The following UBE2R2 variants were observed in gnomAD, a reference collection of about 807,000 sequenced individuals.
UBE2R2 encodes the protein ubiquitin-conjugating enzyme E2 R2.
UBE2R2 carries 1 observed loss-of-function variant against 27.8 expected under a neutral mutation model. The ratio of observed to expected loss-of-function variants is 0.04; its 90% CI spans 0.01 to 0.17. UBE2R2 has a LOEUF of 0.17. Ranked by LOEUF, UBE2R2 falls within the 10% of genes least tolerant of loss-of-function variation. UBE2R2 has a pLI of 1.00. For synonymous variants in UBE2R2, 106 were observed against 113.3 expected, an observed-to-expected ratio of 0.94 and a Z score of 0.41; for missense variants, 100 against 291.0, an observed-to-expected ratio of 0.34 and a Z score of 4.78.
Position 33,878,326 on chromosome 9 carries a change from G to A in UBE2R2, c.178-8555G>A, listed in dbSNP as rs571231155. Reference sequence around the variant, plus strand: ...ATTTACTGAGGCAGTTGTAAGTAAAGGAAGGCAGGCCAGGTGCAGTGGCTC... The same window carrying A: ...ATTTACTGAGGCAGTTGTAAGTAAAAGAAGGCAGGCCAGGTGCAGTGGCTC... On this transcript the variant is annotated intron_variant, in intron 1 of 4. Coordinates refer to ENST00000263228, the MANE Select transcript of UBE2R2 (RefSeq NM_017811.4). Among the ~76,000 whole-genome samples the A allele has an allele frequency of 3.3e-5, 5 of 152,224 alleles. No homozygotes were observed. The East Asian group carries it at 5.8e-4, about 18-fold the overall frequency.
chr9:33,889,892 C>A (rs1029876080), intron 2 of UBE2R2, among the ~76,000 whole-genome samples: 7 of 143,906 alleles, frequency 4.9e-5, no homozygotes, highest in African/African-American at 1.9e-4. Context: ...CCATATTGGT[C>A]AGGCTGGTCT....
chr9:33,847,077 G>A (rs996454556), intron 1 of UBE2R2, among the ~76,000 whole-genome samples: 1 of 144,552 alleles, frequency 6.9e-6, no homozygotes, highest in African/African-American at 2.6e-5. Context: ...GTACTATGAA[G>A]TTTTCATTTT....
At chr9:33,902,595 G>A (rs1426734681) in intron 3 of UBE2R2, among the ~76,000 whole-genome samples, 2 of 152,138 alleles carry the variant, frequency 1.3e-5, no homozygotes, top group Non-Finnish European at 2.9e-5. Context: ...ATAATTGCTA[G>A]ATGCCTGTAT....
chr9:33,826,960 G>A (rs1469608770), intron 1 of UBE2R2, among the ~76,000 whole-genome samples: 2 of 152,118 alleles, frequency 1.3e-5, no homozygotes, highest in Non-Finnish European at 2.9e-5. Flanking sequence ...TCGTGAACCT[G>A]TAGTCCCAGC....
At chr9:33,878,537 G>T (rs1265343452) in intron 1 of UBE2R2, among the ~76,000 whole-genome samples, 1 of 152,150 alleles carries the variant, frequency 6.6e-6, no homozygotes, top group African/African-American at 2.4e-5. Flanking sequence ...AGGATCGCTT[G>T]AATCTCGGAG....
At chr9:33,901,045 T>A (rs1472254420) in intron 3 of UBE2R2, among the ~76,000 whole-genome samples, 3 of 152,160 alleles carry the variant, frequency 2.0e-5, no homozygotes, top group Non-Finnish European at 4.4e-5. Flanking sequence ...AGCCTCGACC[T>A]CCTGGGCTCA....
intron 1 of UBE2R2, among the ~76,000 whole-genome samples, chr9:33,831,234 G>A (rs1461436786): frequency 2.6e-5 from 4 of 151,974 alleles, no homozygotes; most frequent in Non-Finnish European, 4.4e-5. Flanking sequence ...TTGAGCCCAG[G>A]AGTTCAAGAC....
In UBE2R2 at chr9:33,911,603, C is replaced by T. The variant is rs183339678; in HGVS notation, c.363-361C>T. 3.3e-5 allele frequency among the ~76,000 whole-genome samples: 5 copies of T among 152,014 alleles called. No homozygotes were observed. The East Asian group carries it at 9.6e-4, about 29-fold the overall frequency. ...CTTTCTGTAGGTTGGAACATGTGAC[C>T]AGTTGAAACAGGGCCTTCTATCAAG... On this transcript the variant is annotated intron_variant, in intron 3 of 4. Coordinates refer to ENST00000263228, the MANE Select transcript of UBE2R2 (RefSeq NM_017811.4).
At chr9:33,914,512 G>T (rs1316610446) in intron 4 of UBE2R2, among the ~76,000 whole-genome samples, 9 of 152,066 alleles carry the variant, frequency 5.9e-5, no homozygotes, top group Admixed American at 5.9e-4. Flanking sequence ...TTTTTGGGAG[G>T]GAAGAGGTGA....
In UBE2R2 at chr9:33,918,265, T is replaced by C. The variant is rs1822705731; in HGVS notation, c.*1028T>C. The C allele has an allele frequency of 6.6e-6, 1 of 152,170 alleles. No homozygotes were observed. The highest frequency in any genetic ancestry group is 2.4e-5 in the African/African-American group (1 of 41,434). The allele number at this position is 152,170 out of a possible 1,614,324, so 9.4% of individuals were successfully genotyped here. A position where few individuals can be genotyped will look rare whatever the true frequency, so the allele number is the denominator to read the frequency against. ...TTGTTTTTTAAGTAGCCACTTTTAA[T>C]TACTCAGTATTAATCCTAGGTGCAT... On this transcript the variant is annotated 3_prime_UTR_variant, in exon 5 of 5. Transcript: ENST00000263228.
intron 3 of UBE2R2, among the ~76,000 whole-genome samples, chr9:33,911,426 A>AAAAAAAAAAAAAAAAAAAAAAC (rs1822487193): frequency 6.8e-6 from 1 of 148,046 alleles, no homozygotes; most frequent in South Asian, 2.1e-4. Flanking sequence ...AAAAAAAAAA[A>AAAAAAAAAAAAAAAAAAAAAAC]AAAAAAAAAC....
intron 1 of UBE2R2, among the ~76,000 whole-genome samples, chr9:33,866,484 C>G (rs1187751497): frequency 6.6e-6 from 1 of 152,176 alleles, no homozygotes; most frequent in East Asian, 1.9e-4. Flanking sequence ...GGCGATCCAC[C>G]CGCCTAGGCT....
At chr9:33,893,993 C>T (rs1367834143) in intron 2 of UBE2R2, among the ~76,000 whole-genome samples, 1 of 152,090 alleles carries the variant, frequency 6.6e-6, no homozygotes, top group African/African-American at 2.4e-5. Flanking sequence ...GCTGGGATTA[C>T]AGGCATGTGA....
chr9:33,835,136 T>C (rs1026827971), intron 1 of UBE2R2, among the ~76,000 whole-genome samples: 3 of 144,620 alleles, frequency 2.1e-5, no homozygotes, highest in African/African-American at 7.8e-5. Flanking sequence ...CATGCATGTC[T>C]AAGTGTAGGT....
At chr9:33,859,246 T>A (rs1408527393) in intron 1 of UBE2R2, among the ~76,000 whole-genome samples, 1 of 152,254 alleles carries the variant, frequency 6.6e-6, no homozygotes, top group Non-Finnish European at 1.5e-5. Context: ...TAATTGTTAC[T>A]ATACTCTGTG....
chr9:33,880,526 ATGT>A (rs1821710948), intron 1 of UBE2R2, among the ~76,000 whole-genome samples: 1 of 152,110 alleles, frequency 6.6e-6, no homozygotes, highest in Admixed American at 6.5e-5. Context: ...TTGTAGATAG[ATGT>A]TGTACGTTCC....
Position 33,861,020 on chromosome 9 carries a change from G to A in UBE2R2, c.178-25861G>A, listed in dbSNP as rs536358175. ...GTCCCCCAGGCTGGAGTGCAGTGGC[G>A]CGATCTCGGCTCACTGCAAGCTCCG... On this transcript the variant is annotated intron_variant, in intron 1 of 4. Coordinates refer to ENST00000263228, the MANE Select transcript of UBE2R2 (RefSeq NM_017811.4). Among the ~76,000 whole-genome samples the A allele has an allele frequency of 2.7e-4, 40 of 150,532 alleles. No individual in the cohort carries two copies. In the South Asian group the frequency reaches 7.7e-3, roughly 29 times the overall value.
At position 33,817,735 on chromosome 9, in the gene UBE2R2, C is replaced by CCGG. The variant is rs1410224082; in HGVS notation, c.-21_-20insGCG. 5 of 1,221,592 alleles carry CCGG rather than the reference C, an allele frequency of 4.1e-6. No individual in the cohort carries two copies. The African/African-American group carries it at 8.2e-5, about 20-fold the overall frequency. The allele number at this position is 1,221,592 out of a possible 1,614,324, so 75.7% of individuals were successfully genotyped here. ...TGAGGACTGGGGCCCGGGCCCGGCG[C>CCGG]CGCCGCCGCCGCCGCCGCCGCGATG... On this transcript the variant is annotated 5_prime_UTR_variant, in exon 1 of 5. Coordinates refer to ENST00000263228, the MANE Select transcript of UBE2R2 (RefSeq NM_017811.4).
At chr9:33,897,024 A>ATT (rs749987839) in intron 2 of UBE2R2, among the ~76,000 whole-genome samples, 875 of 40,672 alleles carry the variant, frequency 0.022, 313 homozygotes, top group East Asian at 0.052. Context: ...CTGTGGCCTA[A>ATT]TTTTTTTTTT....
Sources: allele counts gnomAD v4.1 joint callset (sites outside exome capture counted in the v4.1 genomes callset), GRCh38; gene constraint gnomAD v4.1.1; transcripts MANE v1.5; gene names NCBI Gene and HGNC (gene_info 2026-07-23, HGNC 2026-07-21).